EML4: variants seen among roughly 807,000 people sequenced by gnomAD.
EML4 encodes EMAP like 4.
In EML4, 72 loss-of-function variants were observed where a neutral mutation model predicts 129.0. That is an observed-to-expected ratio of 0.56 (90% CI 0.46 to 0.68). The LOEUF (loss-of-function observed/expected upper bound fraction) is 0.68, where lower values mean the gene tolerates loss of function less well. Among genes scored for constraint, EML4 ranks in the 30% least tolerant of loss-of-function variants. EML4 has a pLI of 0.00. For missense variants in EML4, 1,363 were observed against 1,190.6 expected (o/e 1.14, Z -2.13); for synonymous variants, 532 against 405.0 (o/e 1.31, Z -3.77).
chr2:42,244,094 G>GTTTTTTTT (rs898798718), intron 1 of EML4, among the ~76,000 whole-genome samples: 21 of 44,944 alleles, frequency 4.7e-4, no homozygotes, highest in Non-Finnish European at 9.6e-4. Flanking sequence ...TTTTGTTTTT[G>GTTTTTTTT]TTTTTTGTTT....
At chr2:42,309,476 A>G (rs1476971391) in intron 17 of EML4, among the ~76,000 whole-genome samples, 3 of 151,836 alleles carry the variant, frequency 2.0e-5, no homozygotes, top group African/African-American at 7.3e-5. Context: ...GGAACTACCA[A>G]ACTTTTTCAC....
At chr2:42,328,388 A>T (rs1261171277) in intron 21 of EML4, among the ~76,000 whole-genome samples, 9 of 152,242 alleles carry the variant, frequency 5.9e-5, no homozygotes, top group Admixed American at 2.6e-4. Flanking sequence ...ATAGCATGCT[A>T]AACTAGTGGA....
chr2:42,284,678 T>C lies in EML4; in HGVS notation c.986T>C (p.Ile329Thr). ...AAAATTAGGATTGCAACTGGACAGA[T>C]AGCTGGCGTGGATAAAGATGGAAGG... ...PDKIRIATGQ[I>T]AGVDKDGRPL... The change falls in exon 9 of 23, where the codon ATA (isoleucine) becomes ACA (threonine). Residue 329 changes from isoleucine (I) to threonine (T), a missense_variant. Physicochemically the swap from Ile to Thr is moderately conservative, Grantham distance 89 (BLOSUM62 -1). Coordinates refer to ENST00000318522, the MANE Select transcript of EML4 (RefSeq NM_019063.5). 1 of 1,612,920 alleles carries C rather than the reference T, an allele frequency of 6.2e-7. No individual in the cohort carries two copies. The highest frequency in any genetic ancestry group is 1.3e-5 in the African/African-American group (1 of 74,988).
intron 2 of EML4, among the ~76,000 whole-genome samples, chr2:42,248,164 C>A (rs1039060774): frequency 2.0e-5 from 3 of 151,762 alleles, no homozygotes; most frequent in African/African-American, 7.3e-5. Context: ...TTTGTACAGG[C>A]GGAATCTCTC....
At chr2:42,281,991 C>A (rs1392166905) in intron 7 of EML4, among the ~76,000 whole-genome samples, 1 of 152,202 alleles carries the variant, frequency 6.6e-6, no homozygotes, top group African/African-American at 2.4e-5. Flanking sequence ...ATTCTGCCTA[C>A]CAAACTGTTC....
At chr2:42,204,125 GC>G (rs1166390539) in intron 1 of EML4, among the ~76,000 whole-genome samples, 1 of 152,004 alleles carries the variant, frequency 6.6e-6, no homozygotes, top group East Asian at 1.9e-4. Flanking sequence ...TCACTTTGTT[GC>G]CCAGGCTGGT....
At chr2:42,315,475 T>C (rs981663552) in intron 17 of EML4, among the ~76,000 whole-genome samples, 7 of 152,234 alleles carry the variant, frequency 4.6e-5, no homozygotes, top group African/African-American at 1.4e-4. Context: ...CATGTATATT[T>C]ATGTATATTT....
chr2:42,176,783 G>A lies in EML4; in HGVS notation c.25+7147G>A, dbSNP rs1670630230. 2.6e-5 allele frequency among the ~76,000 whole-genome samples: 4 copies of A among 152,122 alleles called. 1 individual carries two copies. The South Asian group carries it at 8.3e-4, about 32-fold the overall frequency. ...TGTCTTATTTCCCTGAGCCAAATTG[G>A]TTTTATTTTTATTTATTTATTTTTT... On this transcript the variant is annotated intron_variant, in intron 1 of 22. Transcript: ENST00000318522.
At chr2:42,302,764 C>T (rs1251539091) in intron 14 of EML4, among the ~76,000 whole-genome samples, 1 of 152,102 alleles carries the variant, frequency 6.6e-6, no homozygotes, top group Non-Finnish European at 1.5e-5. Context: ...GAACTCCTGA[C>T]CTCAGGTGAT....
chr2:42,257,269 CT>C (rs1558546852), intron 3 of EML4, among the ~76,000 whole-genome samples: 1 of 152,084 alleles, frequency 6.6e-6, no homozygotes, highest in Non-Finnish European at 1.5e-5. Flanking sequence ...GATTTTCCCC[CT>C]TTTGTAATTT....
intron 22 of EML4, 111 bp from the exon 23 acceptor site, chr2:42,329,623 T>C (rs1334273463): frequency 7.6e-6 from 6 of 785,918 alleles, no homozygotes; most frequent in Non-Finnish European, 1.2e-5. Flanking sequence ...TTAAATTGGA[T>C]TGCCCATTTC....
chr2:42,287,747 G>C (rs903276437), intron 10 of EML4, among the ~76,000 whole-genome samples: 2 of 152,084 alleles, frequency 1.3e-5, no homozygotes, highest in Non-Finnish European at 2.9e-5. Flanking sequence ...ATGTAAGTCA[G>C]GTATCTCACA....
At chr2:42,241,041 C>T (rs767071382) in intron 1 of EML4, among the ~76,000 whole-genome samples, 5 of 151,962 alleles carry the variant, frequency 3.3e-5, no homozygotes, top group Non-Finnish European at 7.4e-5. Context: ...CCAGCTACTC[C>T]GAGCCTCAGC....
intron 18 of EML4, 121 bp downstream of exon 18, chr2:42,316,171 ATC>A: frequency 1.8e-6 from 1 of 566,198 alleles, no homozygotes; most frequent in Non-Finnish European, 3.1e-6. Flanking sequence ...TAAGTATTAA[ATC>A]TGTTTCCCCC....
At chr2:42,274,502 G>A (rs1666546671) in intron 6 of EML4, among the ~76,000 whole-genome samples, 1 of 152,040 alleles carries the variant, frequency 6.6e-6, no homozygotes, top group Admixed American at 6.5e-5. Context: ...AATCACTGGA[G>A]CAACTGATCT....
chr2:42,321,574 A>AAT (rs1270268239), intron 19 of EML4, among the ~76,000 whole-genome samples: 1 of 152,076 alleles, frequency 6.6e-6, no homozygotes, highest in African/African-American at 2.4e-5. Context: ...AAGGGATTAG[A>AAT]GCAAGTGACA....
intron 1 of EML4, among the ~76,000 whole-genome samples, chr2:42,172,206 A>G (rs1465937604): frequency 6.6e-6 from 1 of 152,192 alleles, no homozygotes; most frequent in African/African-American, 2.4e-5. Flanking sequence ...CTACATTTTT[A>G]TAAGCAGAAA....
chr2:42,280,289 T>C (rs1572680429), intron 6 of EML4, among the ~76,000 whole-genome samples: 1 of 152,344 alleles, frequency 6.6e-6, no homozygotes, highest in East Asian at 1.9e-4. Context: ...ATTTTAATTA[T>C]CAAAAAATTA....
chr2:42,169,986 G>C, intron 1 of EML4: 1 of 241,442 alleles, frequency 4.1e-6, no homozygotes, highest in Non-Finnish European at 8.1e-6. Flanking sequence ...TCAGAGTTGG[G>C]ACATTTCTTC....
Sources: allele counts gnomAD v4.1 joint callset (sites outside exome capture counted in the v4.1 genomes callset), GRCh38; gene constraint gnomAD v4.1.1; transcripts MANE v1.5; gene names NCBI Gene and HGNC (gene_info 2026-07-23, HGNC 2026-07-21).